ATXN7L1: variants seen among roughly 807,000 people sequenced by gnomAD.
ATXN7L1 encodes the protein ataxin 7 like 1, also known as ataxin-7-like protein 1.
ATXN7L1 carries 15 observed loss-of-function variants against 70.8 expected under a neutral mutation model. The ratio of observed to expected loss-of-function variants is 0.21; its 90% confidence interval spans 0.14 to 0.33. The LOEUF (loss-of-function observed/expected upper bound fraction) is 0.33, where lower values mean the gene tolerates loss of function less well. Ranked by LOEUF, ATXN7L1 falls within the 10% of genes least tolerant of loss-of-function variation. The pLI, the probability that ATXN7L1 is intolerant of heterozygous loss-of-function variation, is 1.00. For synonymous variants in ATXN7L1, 440 were observed against 445.1 expected (o/e 0.99, Z 0.14); for missense variants, 975 against 1,097.1 (o/e 0.89, Z 1.57).
Position 105,812,065 on chromosome 7 carries a change from A to G in ATXN7L1, c.251-23357T>C, listed in dbSNP as rs138397043. On this transcript the variant is annotated intron_variant, in intron 2 of 11. Coordinates refer to ENST00000419735, the MANE Select transcript of ATXN7L1 (RefSeq NM_020725.2). ...CCTTGTGAATGCTTTGGACCACCCC[A>G]GGCACAGGGAGGCACCCTGCTCCCT... Among the ~76,000 whole-genome samples the G allele has an allele frequency of 1.3e-4, 20 of 152,180 alleles. No individual in the cohort carries two copies. In the East Asian group the frequency reaches 3.7e-3, roughly 28 times the overall value.
chr7:105,686,304 T>C (rs1049062529), intron 3 of ATXN7L1, among the ~76,000 whole-genome samples: 2 of 152,056 alleles, frequency 1.3e-5, no homozygotes, highest in African/African-American at 4.8e-5. Context: ...TCACCTGAGG[T>C]CAGGAGTTCA....
At chr7:105,778,526 A>C (rs1449618981) in intron 3 of ATXN7L1, among the ~76,000 whole-genome samples, 3 of 122,616 alleles carry the variant, frequency 2.4e-5, no homozygotes, top group South Asian at 2.1e-4. Context: ...AAAAAAAAAA[A>C]AAAAAAAAAC....
At chr7:105,833,734 G>A (rs1365633449) in intron 2 of ATXN7L1, among the ~76,000 whole-genome samples, 1 of 152,162 alleles carries the variant, frequency 6.6e-6, no homozygotes, top group African/African-American at 2.4e-5. Flanking sequence ...GCATGCTGGA[G>A]TATCAAGGGG....
intron 3 of ATXN7L1, among the ~76,000 whole-genome samples, chr7:105,730,794 C>T (rs1193844239): frequency 1.3e-5 from 2 of 151,708 alleles, no homozygotes; most frequent in East Asian, 1.9e-4. Flanking sequence ...TAAGTTGGTG[C>T]CCTAGACGAG....
intron 2 of ATXN7L1, among the ~76,000 whole-genome samples, chr7:105,794,194 C>T (rs1049758276): frequency 1.4e-4 from 22 of 152,138 alleles, no homozygotes; most frequent in African/African-American, 5.3e-4. Context: ...CTTCAAGGCA[C>T]TGTAGTGAGA....
chr7:105,865,524 C>G (rs1029117204), intron 2 of ATXN7L1, among the ~76,000 whole-genome samples: 1 of 152,032 alleles, frequency 6.6e-6, no homozygotes, highest in Non-Finnish European at 1.5e-5. Context: ...GCCTCAGCCT[C>G]CTGAGCAGCT....
intron 9 of ATXN7L1, among the ~76,000 whole-genome samples, chr7:105,618,434 T>A (rs1465288618): frequency 6.6e-6 from 1 of 152,176 alleles, no homozygotes. Flanking sequence ...TACCTTATAG[T>A]AAATGTTAAC....
chr7:105,764,591 T>C (rs1223348108), intron 3 of ATXN7L1, among the ~76,000 whole-genome samples: 1 of 152,210 alleles, frequency 6.6e-6, no homozygotes, highest in East Asian at 1.9e-4. Flanking sequence ...ATTGACTGAA[T>C]ACCCACTATT....
At chr7:105,617,961 T>G (rs1794164268) in intron 9 of ATXN7L1, 1 of 456,634 alleles carries the variant, frequency 2.2e-6, no homozygotes, top group Non-Finnish European at 4.4e-6. Flanking sequence ...GCAGCGAGGT[T>G]GAGAGGGTAG....
At chr7:105,673,047 C>G (rs1045056584) in intron 3 of ATXN7L1, among the ~76,000 whole-genome samples, 3 of 152,338 alleles carry the variant, frequency 2.0e-5, no homozygotes, top group Middle Eastern at 6.8e-3. Context: ...TCCTGGAGAT[C>G]AGCCAAGCAG....
chr7:105,744,352 G>A (rs1224950956), intron 3 of ATXN7L1, among the ~76,000 whole-genome samples: 1 of 152,136 alleles, frequency 6.6e-6, no homozygotes, highest in Non-Finnish European at 1.5e-5. Flanking sequence ...ATCCGCTAGG[G>A]AGAGAGTCCC....
intron 3 of ATXN7L1, among the ~76,000 whole-genome samples, chr7:105,726,773 G>A (rs1795865678): frequency 6.6e-6 from 1 of 152,110 alleles, no homozygotes; most frequent in African/African-American, 2.4e-5. Flanking sequence ...CTGCCATCTT[G>A]GTCCTCCTGT....
intron 2 of ATXN7L1, among the ~76,000 whole-genome samples, chr7:105,851,618 C>T (rs970242470): frequency 3.9e-5 from 6 of 152,220 alleles, no homozygotes; most frequent in African/African-American, 1.4e-4. Context: ...TTATTCCTCA[C>T]GTGTTTCCAT....
At chr7:105,764,810 G>A (rs1264182259) in intron 3 of ATXN7L1, among the ~76,000 whole-genome samples, 1 of 151,486 alleles carries the variant, frequency 6.6e-6, no homozygotes, top group Non-Finnish European at 1.5e-5. Flanking sequence ...TTCCAGGAAC[G>A]ATCATACTCT....
intron 4 of ATXN7L1, among the ~76,000 whole-genome samples, chr7:105,658,288 T>A (rs1801010910): frequency 1.3e-5 from 2 of 152,108 alleles, no homozygotes; most frequent in African/African-American, 4.8e-5. Context: ...TGGGCAGGAT[T>A]CTGTCCTGTC....
intron 11 of ATXN7L1, among the ~76,000 whole-genome samples, chr7:105,609,460 C>G (rs550066466): frequency 6.7e-6 from 1 of 150,358 alleles, no homozygotes; most frequent in Admixed American, 6.6e-5. Flanking sequence ...AGCCACCATG[C>G]CTGGCCTAAA....
chr7:105,662,027 TTTCC>T (rs1231104302), intron 4 of ATXN7L1, among the ~76,000 whole-genome samples: 520 of 48,784 alleles, frequency 0.011, 5 homozygotes, highest in Admixed American at 0.016. Flanking sequence ...TCTTTCTTTC[TTTCC>T]TTCCTTCCTT....
intron 3 of ATXN7L1, among the ~76,000 whole-genome samples, chr7:105,705,224 C>T (rs1002450326): frequency 4.6e-5 from 7 of 151,936 alleles, no homozygotes; most frequent in Non-Finnish European, 1.0e-4. Flanking sequence ...TGGGGTTTCA[C>T]CATGTTGGCC....
At chr7:105,727,777 T>TATATATATAC (rs1462125950) in intron 3 of ATXN7L1, among the ~76,000 whole-genome samples, 1,551 of 89,866 alleles carry the variant, frequency 0.017, 66 homozygotes, top group African/African-American at 0.084. Context: ...TATATATATA[T>TATATATATAC]ACACACACAT....
Sources: gnomAD v4.1 joint callset for allele counts (sites outside exome capture counted in the v4.1 genomes callset) on GRCh38, gnomAD v4.1.1 for gene constraint, MANE v1.5 for transcripts, NCBI Gene and HGNC (gene_info 2026-07-23, HGNC 2026-07-21) for gene names.